EPB41L5: variants seen among roughly 807,000 people sequenced by gnomAD.
EPB41L5 encodes erythrocyte membrane protein band 4.1 like 5, also known as band 4.1-like protein 5.
A neutral mutation model predicts 106.6 loss-of-function variants in EPB41L5; 55 were observed. The observed-to-expected ratio is 0.52, with a 90% confidence interval of 0.42 to 0.65. EPB41L5 has a LOEUF of 0.65. EPB41L5 is among the 30% of genes least tolerant of loss of function. The pLI is 0.00. For synonymous variants in EPB41L5, 297 were observed against 306.7 expected, an observed-to-expected ratio of 0.97 and a Z score of 0.33; for missense variants, 871 against 882.1, an observed-to-expected ratio of 0.99 and a Z score of 0.16.
chr2:120,081,466 A>G (rs1372107547), intron 10 of EPB41L5, among the ~76,000 whole-genome samples: 3 of 152,124 alleles, frequency 2.0e-5, no homozygotes, highest in Non-Finnish European at 4.4e-5. Context: ...CCATTGGTCT[A>G]TATCTCTGTT....
intron 16 of EPB41L5, among the ~76,000 whole-genome samples, chr2:120,111,037 G>A (rs1239458209): frequency 6.6e-6 from 1 of 151,946 alleles, no homozygotes; most frequent in Admixed American, 6.6e-5. Context: ...ATTAACATTG[G>A]TACAATACCA....
chr2:120,143,709 C>T (rs1686280281), intron 19 of EPB41L5, among the ~76,000 whole-genome samples: 1 of 152,176 alleles, frequency 6.6e-6, no homozygotes, highest in Non-Finnish European at 1.5e-5. Flanking sequence ...GTTTACCCAT[C>T]CTGTCCTCAG....
In EPB41L5 at chr2:120,139,376, A is replaced by G. The variant is rs188942759; in HGVS notation, c.1600-3627A>G. On this transcript the variant is annotated intron_variant, in intron 18 of 24. Transcript: ENST00000263713. ...CTGCACAGCAAAGGAAACAATCAACAAAGTGAAGAGATGACCCACAGAATG... is the reference window on the plus strand; with the variant it reads ...CTGCACAGCAAAGGAAACAATCAACGAAGTGAAGAGATGACCCACAGAATG... Among the ~76,000 whole-genome samples, 150 of 152,254 alleles carry G rather than the reference A, an allele frequency of 9.9e-4. 1 individual carries two copies. In the Middle Eastern group the frequency reaches 0.014, roughly 14 times the overall value.
In EPB41L5 at chr2:120,091,587, A is replaced by G. The variant is rs1360488502; in HGVS notation, c.1076A>G (p.Asn359Ser). 8.7e-6 allele frequency: 14 copies of G among 1,613,914 alleles called. No homozygotes were observed. The highest frequency in any genetic ancestry group is 1.7e-4 in the Middle Eastern group (1 of 6,058). Reference protein sequence around the residue: ...GKTEYQTTKTNKARRSTSFER... With the variant: ...GKTEYQTTKTSKARRSTSFER... ...ACAGAGTATCAGACCACAAAAACCA[A>G]TAAAGCAAGAAGATCAACATCCTTT... The change falls in exon 13 of 25, where the codon AAT becomes AGT. Residue 359 changes from asparagine to serine, a missense_variant. Transcript: ENST00000263713.
intron 16 of EPB41L5, chr2:120,104,555 T>G: frequency 2.0e-6 from 2 of 1,011,976 alleles, no homozygotes; most frequent in Non-Finnish European, 2.4e-6. Context: ...TTTGTGTTTG[T>G]GAACAAGGTG....
At chr2:120,040,656 A>G (rs976305113) in intron 2 of EPB41L5, among the ~76,000 whole-genome samples, 21 of 152,238 alleles carry the variant, frequency 1.4e-4, no homozygotes, top group Admixed American at 8.5e-4. Flanking sequence ...GAAATACCCA[A>G]GTAGAAGTTG....
chr2:120,124,770 AT>A (rs771719187), intron 16 of EPB41L5, among the ~76,000 whole-genome samples: 153 of 151,420 alleles, frequency 1.0e-3, no homozygotes, highest in African/African-American at 3.4e-3. Flanking sequence ...CCCCCAGCCT[AT>A]TTTTTTTACC....
chr2:120,070,618 A>C (rs539862237), intron 3 of EPB41L5, among the ~76,000 whole-genome samples: 13 of 152,356 alleles, frequency 8.5e-5, no homozygotes, highest in Middle Eastern at 3.4e-3. Flanking sequence ...ATCCAGCGGC[A>C]CATCAGAAAG....
chr2:120,039,600 C>T (rs1325037190), intron 2 of EPB41L5, among the ~76,000 whole-genome samples: 3 of 151,866 alleles, frequency 2.0e-5, no homozygotes, highest in Admixed American at 6.6e-5. Flanking sequence ...CCAAGTTGGG[C>T]GGATCACCTG....
At chr2:120,038,848 A>G (rs1679208806) in intron 2 of EPB41L5, among the ~76,000 whole-genome samples, 1 of 152,248 alleles carries the variant, frequency 6.6e-6, no homozygotes, top group Non-Finnish European at 1.5e-5. Flanking sequence ...AGTTGAAAGC[A>G]GGGACTCAAA....
At chr2:120,055,480 A>AGTTTTTTT (rs1680583096) in intron 3 of EPB41L5, among the ~76,000 whole-genome samples, 1 of 126,372 alleles carries the variant, frequency 7.9e-6, no homozygotes, top group African/African-American at 3.2e-5. Flanking sequence ...TTAGGTTTTT[A>AGTTTTTTT]ATTTTTTTTT....
At chr2:120,100,965 G>A in intron 16 of EPB41L5, 151 bp downstream of exon 16, 1 of 603,102 alleles carries the variant, frequency 1.7e-6, no homozygotes, top group South Asian at 2.2e-5. Flanking sequence ...ATCATATTGA[G>A]ATGGGGAAAA....
At chr2:120,095,641 C>T (rs986589771) in intron 14 of EPB41L5, among the ~76,000 whole-genome samples, 25 of 151,794 alleles carry the variant, frequency 1.6e-4, no homozygotes, top group African/African-American at 5.8e-4. Context: ...GGTCTTGCTT[C>T]TGATGGCTCC....
In EPB41L5 at chr2:120,077,323, A is replaced by G. The variant is rs1197885855; in HGVS notation, c.714+7A>G. 3.1e-6 allele frequency: 5 copies of G among 1,603,368 alleles called. No homozygotes were observed. Among genetic ancestry groups the G allele is most frequent in the Admixed American group, 3.4e-5 (2 of 58,694 alleles). On this transcript the variant is annotated splice_region_variant and intron_variant, in intron 9 of 24. Coordinates refer to ENST00000263713, the MANE Select transcript of EPB41L5 (RefSeq NM_020909.4). ...TGATATGCATGTGGTCAAGGTAAGCATTGTGTTGTGATGCTTTTTTAAAAA... is the reference window on the plus strand; with the variant it reads ...TGATATGCATGTGGTCAAGGTAAGCGTTGTGTTGTGATGCTTTTTTAAAAA...
rs536615788 is a variant in EPB41L5 at position 120,051,223 on chromosome 2, C to T, written c.285+9113C>T. 1.3e-3 allele frequency among the ~76,000 whole-genome samples: 197 copies of T among 152,276 alleles called. 2 individuals carry two copies. Among genetic ancestry groups the T allele is most frequent in the Admixed American group, 2.6e-3 (39 of 15,290 alleles). On this transcript the variant is annotated intron_variant, in intron 3 of 24. Coordinates refer to ENST00000263713, the MANE Select transcript of EPB41L5 (RefSeq NM_020909.4). ...TTAAGTCTGCAGAAGTTTCTGCTGC[C>T]GTTTATTCGGCTATGCCCTGCCCCC...
chr2:120,175,226 G>C lies in EPB41L5; in HGVS notation c.*319G>C, dbSNP rs1687879675. 2 of 285,232 alleles carry C rather than the reference G, an allele frequency of 7.0e-6. No homozygotes were observed. The highest frequency in any genetic ancestry group is 9.7e-5 in the South Asian group (2 of 20,572). 17.7% of individuals were successfully genotyped at this position (285,232 alleles called of 1,614,324 possible). A position where few individuals can be genotyped will look rare whatever the true frequency, so the allele number is the denominator to read the frequency against. ...TTGGCTCCACCTAGCGGTTCTATTT[G>C]TTCATAACAACTTCATAACAAGCCT... On this transcript the variant is annotated 3_prime_UTR_variant, in exon 25 of 25. Coordinates refer to ENST00000263713, the MANE Select transcript of EPB41L5 (RefSeq NM_020909.4).
intron 3 of EPB41L5, among the ~76,000 whole-genome samples, chr2:120,060,903 TAAAC>T (rs1680995952): frequency 1.3e-5 from 2 of 151,810 alleles, no homozygotes; most frequent in Admixed American, 1.3e-4. Context: ...CCTTAAAAAA[TAAAC>T]ATAGCATGGA....
chr2:120,127,488 A>G (rs907289951), intron 16 of EPB41L5, among the ~76,000 whole-genome samples, 200 bp from the exon 17 acceptor site: 3 of 152,230 alleles, frequency 2.0e-5, no homozygotes, highest in African/African-American at 7.2e-5. Context: ...TAGAAAACCT[A>G]ATACAATATA....
chr2:120,014,417 C>CT (rs1677369118), intron 1 of EPB41L5, among the ~76,000 whole-genome samples: 1 of 152,292 alleles, frequency 6.6e-6, no homozygotes, highest in East Asian at 1.9e-4. Context: ...GTTAAGCCAG[C>CT]TGTTGGGCCA....
Sources: allele counts gnomAD v4.1 joint callset (sites outside exome capture counted in the v4.1 genomes callset), GRCh38; gene constraint gnomAD v4.1.1; transcripts MANE v1.5; gene names NCBI Gene and HGNC (gene_info 2026-07-23, HGNC 2026-07-21).